HECTD4: variants seen among roughly 807,000 people sequenced by gnomAD.
HECTD4 encodes the protein HECT domain E3 ubiquitin protein ligase 4.
A neutral mutation model predicts 471.5 loss-of-function variants in HECTD4; 114 were observed. The ratio of observed to expected loss-of-function variants is 0.24; its 90% CI spans 0.21 to 0.28. The LOEUF (loss-of-function observed/expected upper bound fraction) is 0.28. Among genes scored for constraint, HECTD4 ranks in the 10% least tolerant of loss-of-function variants. HECTD4 has a pLI of 1.00. For missense variants in HECTD4, 3,866 were observed against 5,651.5 expected, an observed-to-expected ratio of 0.68 and a Z score of 10.13; for synonymous variants, 2,012 against 2,256.0, an observed-to-expected ratio of 0.89 and a Z score of 3.07.
Position 112,179,199 on chromosome 12 carries a change from T to A in HECTD4, c.11186A>T (p.Lys3729Met). 6.2e-7 allele frequency: 1 copy of A among 1,612,730 alleles called. No homozygotes were observed. Residue 3729 changes from lysine to methionine, a missense_variant, in exon 63 of 76, where the codon AAG (lysine) becomes ATG (methionine). Lys to Met is a moderately conservative substitution (Grantham distance 95). This residue lies in a region of HECTD4 where 715 missense variants were observed against 1,087.6 expected (regional missense o/e 0.66). Coordinates refer to ENST00000682272, the MANE Select transcript of HECTD4 (RefSeq NM_001388303.1). This position sits in a 1 kb window ranked among gnomAD's most constrained non-coding sequence, Gnocchi z 4.3. ...CTGGGTGAGCTGATCCTCCAGCACC[T>A]TTTTTGGCGGCCGGACATTGGTGAA... ...LFFTNVRPPK[K>M]VLEDQLTQIL...
In HECTD4 at chr12:112,200,754, A is replaced by G. The variant is rs2032398120; in HGVS notation, c.8451T>C (p.Gly2817=). ...VQVETYLRSE[G]VLVRYWYPID... is the part of the protein sequence containing the mutation. ...TAGGATACCAGTATCGCACCAGCACACCTTCACTGCGGAGGTACGTTTCTA... is the reference window on the plus strand; with the variant it reads ...TAGGATACCAGTATCGCACCAGCACGCCTTCACTGCGGAGGTACGTTTCTA... The change falls in exon 55 of 76, where the codon GGT becomes GGC. Residue 2817 remains glycine, a synonymous_variant. Transcript: ENST00000682272. 6.2e-7 allele frequency: 1 copy of G among 1,613,752 alleles called. No homozygotes were observed. Among genetic ancestry groups the G allele is most frequent in the Non-Finnish European group, 8.5e-7 (1 of 1,179,844 alleles).
intron 1 of HECTD4, among the ~76,000 whole-genome samples, chr12:112,350,277 T>G (rs1246333486): frequency 1.3e-5 from 2 of 152,362 alleles, no homozygotes; most frequent in East Asian, 3.9e-4. Flanking sequence ...GGATACCAAA[T>G]GTCTTCTTAG....
intron 44 of HECTD4, chr12:112,226,333 G>A: frequency 4.5e-6 from 1 of 221,972 alleles, no homozygotes; most frequent in Non-Finnish European, 8.9e-6. Context: ...CAGCCCTAAG[G>A]ACAGCTCCTA....
intron 1 of HECTD4, among the ~76,000 whole-genome samples, chr12:112,333,148 T>C (rs947774782): frequency 6.6e-6 from 1 of 152,252 alleles, no homozygotes; most frequent in African/African-American, 2.4e-5. Flanking sequence ...CTATTACGAA[T>C]AATGCTGCTA....
rs903182305 is a variant in HECTD4, at chr12:112,194,572, T to A, written c.8749+313A>T. On this transcript the variant is annotated intron_variant, in intron 56 of 75. Coordinates refer to ENST00000682272, the MANE Select transcript of HECTD4 (RefSeq NM_001388303.1). This position sits in a 1 kb window ranked among gnomAD's most constrained non-coding sequence, Gnocchi z 4.6. ...AGGAACATCTCCTTTCTTTCTAATG[T>A]CAAATAGAATGTCTGTGGCAACAAT... is the stretch of plus-strand genomic sequence containing the variant. 6.6e-6 allele frequency among the ~76,000 whole-genome samples: 1 copy of A among 152,226 alleles called. No homozygotes were observed. Among genetic ancestry groups the A allele is most frequent in the African/African-American group, 2.4e-5 (1 of 41,456 alleles).
intron 67 of HECTD4, 122 bp downstream of exon 67, chr12:112,172,546 TAGC>T: frequency 1.1e-6 from 1 of 893,270 alleles, no homozygotes; most frequent in South Asian, 1.6e-5. Context: ...ACCTGGCGCA[TAGC>T]AGGTGTTCAT....
At chr12:112,176,810 G>A (rs899632185) in intron 64 of HECTD4, 108 bp from the exon 65 acceptor site, 5 of 888,358 alleles carry the variant, frequency 5.6e-6, no homozygotes, top group Non-Finnish European at 9.2e-6. Flanking sequence ...CCAACTTAGG[G>A]CTTAGGGCTC....
In HECTD4 at chr12:112,251,010, T is replaced by G. The variant is rs769473645; in HGVS notation, c.3677A>C (p.Glu1226Ala). 4.3e-6 allele frequency: 7 copies of G among 1,613,736 alleles called. No homozygotes were observed. The East Asian group carries it at 8.9e-5, about 21-fold the overall frequency. ...YNGPEITKEE[E>A]ACQELLRSKL... ...GGACCGCAATAGCTCCTGACAGGCT[T>G]CTTCTTCTTTGGTAATTTCTGGTCC... Residue 1226 changes from glutamate (E) to alanine (A), a missense_variant, in exon 24 of 76, where the codon GAA (glutamate) becomes GCA (alanine). Physicochemically the swap from Glu to Ala is moderately radical, Grantham distance 107. This residue lies in a region of HECTD4 where 281 missense variants were observed against 499.9 expected (regional missense o/e 0.56). Coordinates refer to ENST00000682272, the MANE Select transcript of HECTD4 (RefSeq NM_001388303.1).
At position 112,332,479 on chromosome 12, in the gene HECTD4, T is replaced by G. The variant is rs573526918; in HGVS notation, c.178-12737A>C. On this transcript the variant is annotated intron_variant, in intron 1 of 75. Coordinates refer to ENST00000682272, the MANE Select transcript of HECTD4 (RefSeq NM_001388303.1). Reference sequence around the variant, plus strand: ...TCGCTTGAACCCAGGAGGTGGAGGTTGCAGTGAGCCAAGATTGTGCCACTG... The same window carrying G: ...TCGCTTGAACCCAGGAGGTGGAGGTGGCAGTGAGCCAAGATTGTGCCACTG... 3.7e-4 allele frequency among the ~76,000 whole-genome samples: 55 copies of G among 146,888 alleles called. 1 individual carries two copies. In the South Asian group the frequency reaches 7.9e-3, roughly 21 times the overall value.
chr12:112,204,659 G>C (rs1188166232), intron 52 of HECTD4, 36 bp from the exon 53 acceptor site: 2 of 1,555,882 alleles, frequency 1.3e-6, no homozygotes, highest in Admixed American at 3.6e-5. Context: ...ACTCCCCAAA[G>C]AGTACACACA....
intron 52 of HECTD4, among the ~76,000 whole-genome samples, chr12:112,204,920 G>A (rs1247867133): frequency 2.0e-5 from 3 of 151,828 alleles, no homozygotes; most frequent in Non-Finnish European, 4.4e-5. Flanking sequence ...ATTACTTGAG[G>A]CCAGGAGTTC....
In HECTD4 at chr12:112,162,246, TG is replaced by T; in HGVS notation, c.*140del. 1.1e-6 allele frequency: 1 copy of T among 899,066 alleles called. No individual in the cohort carries two copies. The highest frequency in any genetic ancestry group is 1.7e-6 in the Non-Finnish European group (1 of 579,686). The allele number at this position is 899,066 out of a possible 1,614,324, so 55.7% of individuals were successfully genotyped here. A position where few individuals can be genotyped will look rare whatever the true frequency, so the allele number is the denominator to read the frequency against. ...AAAGGTTAAGTCTTCCAGGAGGCCC[TG>T]GAATGTGGACGAAAGTTTGGAAAAG... On this transcript the variant is annotated 3_prime_UTR_variant, in exon 76 of 76. Coordinates refer to ENST00000682272, the MANE Select transcript of HECTD4 (RefSeq NM_001388303.1). This position sits in a 1 kb window ranked among gnomAD's most constrained non-coding sequence, Gnocchi z 5.2.
At chr12:112,192,987 C>T in intron 58 of HECTD4, 74 bp downstream of exon 58, 3 of 1,562,618 alleles carry the variant, frequency 1.9e-6, no homozygotes, top group South Asian at 1.2e-5. Context: ...GAATTTTTTT[C>T]CTTGGCCAGT....
chr12:112,207,116 G>GTGTATGTATGTA lies in HECTD4; in HGVS notation c.8131+746_8131+757dup, dbSNP rs149725381. ...TGTTTGTTTATGTATATGTGTGTGT[G>GTGTATGTATGTA]TGTATGTATGTATGTATGTATGTAT... On this transcript the variant is annotated intron_variant, in intron 52 of 75. Transcript: ENST00000682272. Among the ~76,000 whole-genome samples the GTGTATGTATGTA allele has an allele frequency of 4.8e-3, 706 of 147,440 alleles. 7 individuals are homozygous for GTGTATGTATGTA. The highest frequency in any genetic ancestry group is 0.015 in the African/African-American group (592 of 38,432).
At chr12:112,274,354 G>A (rs1030642426) in intron 10 of HECTD4, among the ~76,000 whole-genome samples, 2 of 152,044 alleles carry the variant, frequency 1.3e-5, no homozygotes, top group African/African-American at 4.8e-5. Flanking sequence ...TTTATTCAGA[G>A]GAATTTTACA....
chr12:112,252,707 T>A, intron 22 of HECTD4, 179 bp from the exon 23 acceptor site: 1 of 731,250 alleles, frequency 1.4e-6, no homozygotes, highest in Non-Finnish European at 2.2e-6. Flanking sequence ...GTCCTTTAAG[T>A]GTCTCTCCTG....
chr12:112,333,411 T>A (rs1398669347), intron 1 of HECTD4, among the ~76,000 whole-genome samples: 1 of 152,268 alleles, frequency 6.6e-6, no homozygotes, highest in African/African-American at 2.4e-5. Context: ...TGAAGTGGTA[T>A]GTTCATGTAG....
At chr12:112,310,406 C>G (rs1297919437) in intron 4 of HECTD4, among the ~76,000 whole-genome samples, 1 of 152,180 alleles carries the variant, frequency 6.6e-6, no homozygotes, top group Admixed American at 6.5e-5. Context: ...TTAGCTCTGT[C>G]TTCCTCAATC....
At chr12:112,296,376 C>A (rs1441775536) in intron 7 of HECTD4, among the ~76,000 whole-genome samples, 1 of 137,880 alleles carries the variant, frequency 7.3e-6, no homozygotes, top group Non-Finnish European at 1.5e-5. Flanking sequence ...GTGGTAAGTA[C>A]AGAAGGTGTA....
Sources: allele counts gnomAD v4.1 joint callset (sites outside exome capture counted in the v4.1 genomes callset), GRCh38; gene constraint gnomAD v4.1.1; regional missense constraint gnomAD v4.1.1; non-coding constraint Gnocchi (gnomAD v3.1); transcripts MANE v1.5; gene names NCBI Gene and HGNC (gene_info 2026-07-23, HGNC 2026-07-21).